Variants in ZNF385B observed in about 807,000 individuals in gnomAD.
ZNF385B encodes the protein zinc finger protein 385B.
Under a neutral mutation model 39.2 loss-of-function variants are expected in ZNF385B, and 23 were observed. The observed-to-expected ratio is 0.59, with a 90% confidence interval of 0.42 to 0.83. The LOEUF (loss-of-function observed/expected upper bound fraction) is 0.83, where lower values mean the gene tolerates loss of function less well. Ranked by LOEUF, ZNF385B falls within the 40% of genes least tolerant of loss-of-function variation. The pLI is 0.00. For missense variants in ZNF385B, 552 were observed against 598.9 expected, an observed-to-expected ratio of 0.92 and a Z score of 0.82; for synonymous variants, 205 against 222.6, an observed-to-expected ratio of 0.92 and a Z score of 0.70.
At chr2:179,671,234 C>T (rs951300911) in intron 3 of ZNF385B, among the ~76,000 whole-genome samples, 1 of 152,260 alleles carries the variant, frequency 6.6e-6, no homozygotes. Flanking sequence ...TTATGCTCCT[C>T]CCGCTTGAAA....
chr2:179,509,183 T>C (rs10185505), intron 5 of ZNF385B, among the ~76,000 whole-genome samples: 3,846 of 152,302 alleles, frequency 0.025, 167 homozygotes, highest in African/African-American at 0.088. Context: ...CCTGACGTCG[T>C]GATCCATCAT....
chr2:179,854,741 C>T (rs776981012), intron 1 of ZNF385B, among the ~76,000 whole-genome samples: 2 of 152,130 alleles, frequency 1.3e-5, no homozygotes, highest in African/African-American at 4.8e-5. Flanking sequence ...TAGAAGAATT[C>T]GCTCATTATC....
chr2:179,524,551 C>CAAAAAAAAGAAAA lies in ZNF385B; in HGVS notation c.442-5914_442-5913insTTTTCTTTTTTTT, dbSNP rs1300764305. Reference sequence around the variant, plus strand: ...TGGGTGACAGAGCGAGACTCCGTCTCAAAAAAAAAAAAAAAAAAAAAAAAA... The same window carrying CAAAAAAAAGAAAA: ...TGGGTGACAGAGCGAGACTCCGTCTCAAAAAAAAGAAAAAAAAAAAAAAAAAAAAAAAAAAAAA... On this transcript the variant is annotated intron_variant, in intron 4 of 9. Coordinates refer to ENST00000410066, the MANE Select transcript of ZNF385B (RefSeq NM_152520.6). 6.9e-4 allele frequency among the ~76,000 whole-genome samples: 42 copies of CAAAAAAAAGAAAA among 60,984 alleles called. 2 individuals are homozygous for CAAAAAAAAGAAAA. Among genetic ancestry groups the CAAAAAAAAGAAAA allele is most frequent in the South Asian group, 1.9e-3 (2 of 1,074 alleles). 40.0% of individuals were successfully genotyped at this position (60,984 alleles called of 152,430 possible).
At chr2:179,517,507 C>T (rs2058174692) in intron 5 of ZNF385B, among the ~76,000 whole-genome samples, 3 of 149,800 alleles carry the variant, frequency 2.0e-5, no homozygotes, top group Non-Finnish European at 4.5e-5. Flanking sequence ...TGATAAACAT[C>T]TCTTTTCCAA....
chr2:179,720,531 A>G (rs1700622246), intron 3 of ZNF385B, among the ~76,000 whole-genome samples: 1 of 115,578 alleles, frequency 8.7e-6, no homozygotes. Flanking sequence ...AGAGGAGGGA[A>G]TGGGAGGGGA....
rs1381044122 is a variant in ZNF385B at position 179,664,130 on chromosome 2, AT to A, written c.298+105372del. ...TGGCTTTTTTTTTTTCCTTCAGGGG[AT>A]TTTTTTTTCTTTTATTCCCCTCTTC... On this transcript the variant is annotated intron_variant, in intron 3 of 9. Transcript: ENST00000410066. 6.1e-5 allele frequency among the ~76,000 whole-genome samples: 7 copies of A among 114,788 alleles called. No homozygotes were observed. In the South Asian group the frequency reaches 8.5e-4, roughly 14 times the overall value. The allele number at this position is 114,788 out of a possible 152,430, so 75.3% of individuals were successfully genotyped here.
intron 4 of ZNF385B, among the ~76,000 whole-genome samples, chr2:179,543,749 C>G (rs929387871): frequency 2.6e-5 from 4 of 152,086 alleles, no homozygotes; most frequent in Non-Finnish European, 4.4e-5. Context: ...TACATCAAGG[C>G]CAGTGCTCTG....
At chr2:179,444,063 G>A (rs540337868) in intron 9 of ZNF385B, among the ~76,000 whole-genome samples, 13 of 152,256 alleles carry the variant, frequency 8.5e-5, no homozygotes, top group Admixed American at 7.2e-4. Context: ...TCTATTTAAC[G>A]GAATGCCAGG....
intron 1 of ZNF385B, among the ~76,000 whole-genome samples, chr2:179,855,178 C>G (rs1684489731): frequency 6.6e-6 from 1 of 152,004 alleles, no homozygotes; most frequent in Non-Finnish European, 1.5e-5. Flanking sequence ...ATAATGATAA[C>G]ATAATAACAT....
At chr2:179,726,190 C>T (rs1701009025) in intron 3 of ZNF385B, among the ~76,000 whole-genome samples, 1 of 152,004 alleles carries the variant, frequency 6.6e-6, no homozygotes, top group East Asian at 1.9e-4. Flanking sequence ...GGTAGGTTCA[C>T]CTTTGGTGTC....
intron 4 of ZNF385B, chr2:179,534,622 G>A (rs2059446829): frequency 6.6e-6 from 1 of 152,146 alleles, no homozygotes; most frequent in African/African-American, 2.4e-5. Flanking sequence ...ACTTTCTTGA[G>A]ATCAAAGACT....
intron 5 of ZNF385B, among the ~76,000 whole-genome samples, chr2:179,501,198 A>T (rs918155971): frequency 1.3e-5 from 2 of 152,178 alleles, no homozygotes; most frequent in Non-Finnish European, 2.9e-5. Flanking sequence ...TGAAAAACTA[A>T]AAATTGAGCT....
intron 3 of ZNF385B, among the ~76,000 whole-genome samples, chr2:179,661,081 T>C (rs1280072304): frequency 6.6e-6 from 1 of 152,198 alleles, no homozygotes; most frequent in East Asian, 1.9e-4. Flanking sequence ...TTAACATGAC[T>C]AGTTACTTTT....
intron 1 of ZNF385B, among the ~76,000 whole-genome samples, chr2:179,809,695 C>T (rs1298735198): frequency 1.3e-5 from 2 of 151,920 alleles, no homozygotes; most frequent in Non-Finnish European, 2.9e-5. Flanking sequence ...TAATGGGTCA[C>T]GTGGGACACG....
At chr2:179,542,880 A>C (rs2060006897) in intron 4 of ZNF385B, among the ~76,000 whole-genome samples, 1 of 152,208 alleles carries the variant, frequency 6.6e-6, no homozygotes, top group African/African-American at 2.4e-5. Context: ...AAGTATGTGC[A>C]GGGGTATGGA....
chr2:179,496,677 T>C (rs933089896), intron 5 of ZNF385B, among the ~76,000 whole-genome samples: 6 of 152,200 alleles, frequency 3.9e-5, no homozygotes, highest in Admixed American at 2.6e-4. Flanking sequence ...CAGGAAAGAG[T>C]GGCATGACAT....
At chr2:179,607,439 G>T (rs552632239) in intron 3 of ZNF385B, among the ~76,000 whole-genome samples, 1 of 152,274 alleles carries the variant, frequency 6.6e-6, no homozygotes, top group East Asian at 1.9e-4. Context: ...GATGTGCCTT[G>T]CTTCCCCTTC....
intron 1 of ZNF385B, among the ~76,000 whole-genome samples, chr2:179,790,845 A>G (rs2106538670): frequency 6.6e-6 from 1 of 152,344 alleles, no homozygotes; most frequent in African/African-American, 2.4e-5. Context: ...CTGTTCTAAA[A>G]TTCCAAAGGT....
At chr2:179,502,710 T>A (rs1402611818) in intron 5 of ZNF385B, among the ~76,000 whole-genome samples, 2 of 152,186 alleles carry the variant, frequency 1.3e-5, no homozygotes, top group African/African-American at 4.8e-5. Flanking sequence ...TATAGCAGTA[T>A]GAGAATGGAC....
Sources: allele counts gnomAD v4.1 joint callset (sites outside exome capture counted in the v4.1 genomes callset), GRCh38; gene constraint gnomAD v4.1.1; transcripts MANE v1.5; gene names NCBI Gene and HGNC (gene_info 2026-07-23, HGNC 2026-07-21).